The following VKORC1L1 variants were observed in gnomAD, a reference collection of about 807,000 sequenced individuals.
The protein encoded by VKORC1L1 is vitamin K epoxide reductase complex subunit 1-like protein 1.
A neutral mutation model predicts 18.9 loss-of-function variants in VKORC1L1; 2 were observed. That is an observed-to-expected ratio of 0.11 (90% CI 0.04 to 0.33). VKORC1L1 has a LOEUF of 0.33. VKORC1L1 is among the 10% of genes least tolerant of loss of function. The pLI is 1.00. For synonymous variants in VKORC1L1, 96 were observed against 100.0 expected (o/e 0.96, Z 0.24); for missense variants, 123 against 224.1 (o/e 0.55, Z 2.88).
chr7:65,952,777 CCTTT>C (rs1358236165), intron 2 of VKORC1L1, among the ~76,000 whole-genome samples: 4 of 94,042 alleles, frequency 4.3e-5, no homozygotes, highest in Non-Finnish European at 5.9e-5. Context: ...CTTTTTTTTT[CCTTT>C]TTTTTTTTTT....
chr7:65,937,262 C>T (rs1400960949), intron 1 of VKORC1L1, among the ~76,000 whole-genome samples: 1 of 152,184 alleles, frequency 6.6e-6, no homozygotes, highest in African/African-American at 2.4e-5. Context: ...TATCAACCAG[C>T]TATTTTTCCT....
intron 1 of VKORC1L1, among the ~76,000 whole-genome samples, chr7:65,877,363 T>C (rs1368671390): frequency 2.6e-5 from 4 of 152,020 alleles, no homozygotes; most frequent in African/African-American, 9.7e-5. Context: ...TTTTTTTTTT[T>C]TGATGGAGTC....
chr7:65,880,565 G>A (rs991752999), intron 1 of VKORC1L1, among the ~76,000 whole-genome samples: 1 of 152,136 alleles, frequency 6.6e-6, no homozygotes, highest in Admixed American at 6.6e-5. Flanking sequence ...TAGCTTTTTC[G>A]GAGGGAGGCC....
At chr7:65,890,291 C>T (rs537066823) in intron 1 of VKORC1L1, among the ~76,000 whole-genome samples, 21 of 152,080 alleles carry the variant, frequency 1.4e-4, no homozygotes, top group African/African-American at 3.9e-4. Context: ...CCACCACGCC[C>T]GGCTAATTTT....
In VKORC1L1 at chr7:65,958,474, G is replaced by A. The variant is rs868704409; in HGVS notation, c.*4174G>A. 5.9e-5 allele frequency: 9 copies of A among 152,328 alleles called. No homozygotes were observed. The South Asian group carries it at 1.9e-3, about 32-fold the overall frequency. 9.4% of individuals were successfully genotyped at this position (152,328 alleles called of 1,614,324 possible). On this transcript the variant is annotated 3_prime_UTR_variant, in exon 3 of 3. Transcript: ENST00000360768. Reference sequence around the variant, plus strand: ...TGCTAACTGGTAAATAAAACCAAATGTAAATATGTAAGAATGTTTATTTGT... The same window carrying A: ...TGCTAACTGGTAAATAAAACCAAATATAAATATGTAAGAATGTTTATTTGT...
At chr7:65,943,070 A>G (rs1341625136) in intron 1 of VKORC1L1, among the ~76,000 whole-genome samples, 1 of 152,166 alleles carries the variant, frequency 6.6e-6, no homozygotes, top group Non-Finnish European at 1.5e-5. Flanking sequence ...CTACGAAATC[A>G]TAGTCTAGTT....
chr7:65,889,247 A>G (rs189784485), intron 1 of VKORC1L1, among the ~76,000 whole-genome samples: 48 of 152,060 alleles, frequency 3.2e-4, no homozygotes, highest in Admixed American at 2.8e-3. Context: ...TTTTATCTCT[A>G]CCCCAACCTC....
At chr7:65,897,432 T>G (rs182448617) in intron 1 of VKORC1L1, among the ~76,000 whole-genome samples, 121 of 152,350 alleles carry the variant, frequency 7.9e-4, no homozygotes, top group Non-Finnish European at 1.6e-3. Flanking sequence ...CATTAAAGTT[T>G]AAGAATGCAC....
chr7:65,919,326 C>G (rs1462920569), intron 1 of VKORC1L1, among the ~76,000 whole-genome samples: 1 of 152,156 alleles, frequency 6.6e-6, no homozygotes, highest in Non-Finnish European at 1.5e-5. Context: ...GCTGACCACT[C>G]CAAAATTTTT....
Position 65,873,161 on chromosome 7 carries a change from G to A in VKORC1L1, c.-211G>A. On this transcript the variant is annotated 5_prime_UTR_variant, in exon 1 of 3. Coordinates refer to ENST00000360768, the MANE Select transcript of VKORC1L1 (RefSeq NM_173517.6). The stretch of plus-strand genomic sequence containing the variant: ...CGCGCGCGCCTTCCCCGCCCCGTCC[G>A]CCTCACTCCTTTTGGGGCGGTTGGG... 1.9e-6 allele frequency: 1 copy of A among 513,702 alleles called. No individual in the cohort carries two copies. Among genetic ancestry groups the A allele is most frequent in the South Asian group, 7.8e-5 (1 of 12,766 alleles). 31.8% of individuals were successfully genotyped at this position (513,702 alleles called of 1,614,324 possible). A position where few individuals can be genotyped will look rare whatever the true frequency, so the allele number is the denominator to read the frequency against.
chr7:65,906,887 A>G (rs1789415020), intron 1 of VKORC1L1, among the ~76,000 whole-genome samples: 1 of 152,136 alleles, frequency 6.6e-6, no homozygotes, highest in Admixed American at 6.6e-5. Context: ...AAAAATTATA[A>G]AGCAGTGCTT....
At chr7:65,906,267 G>T (rs1010260155) in intron 1 of VKORC1L1, among the ~76,000 whole-genome samples, 16 of 152,028 alleles carry the variant, frequency 1.1e-4, no homozygotes, top group Middle Eastern at 3.4e-3. Context: ...TCAACTACTC[G>T]GGAGGCTGAG....
chr7:65,887,664 A>G (rs185158091), intron 1 of VKORC1L1, among the ~76,000 whole-genome samples: 222 of 152,332 alleles, frequency 1.5e-3, no homozygotes, highest in Non-Finnish European at 2.2e-3. Flanking sequence ...CCCAAATACT[A>G]GCTATCATTC....
At chr7:65,944,235 G>A (rs1460617369) in intron 1 of VKORC1L1, among the ~76,000 whole-genome samples, 5 of 151,988 alleles carry the variant, frequency 3.3e-5, no homozygotes, top group African/African-American at 4.8e-5. Flanking sequence ...CTGCGTGGTG[G>A]TGGGAGCCTG....
intron 1 of VKORC1L1, among the ~76,000 whole-genome samples, chr7:65,924,359 G>A (rs960818399): frequency 4.6e-5 from 7 of 152,122 alleles, no homozygotes; most frequent in South Asian, 2.1e-4. Context: ...TAATCTGGAC[G>A]CTGACTTTTC....
At chr7:65,869,598 C>A (rs981936870), upstream of VKORC1L1, among the ~76,000 whole-genome samples, 19 of 147,020 alleles carry the variant, frequency 1.3e-4, no homozygotes, top group Non-Finnish European at 3.0e-5. Context: ...CTCAGGAAAG[C>A]AGAAGGACTT....
intron 1 of VKORC1L1, among the ~76,000 whole-genome samples, chr7:65,938,586 A>G (rs1762390255): frequency 6.6e-6 from 1 of 152,268 alleles, no homozygotes; most frequent in East Asian, 1.9e-4. Context: ...TTCTTAGAGC[A>G]GAAACAGGTC....
At chr7:65,886,910 T>C (rs374612542) in intron 1 of VKORC1L1, among the ~76,000 whole-genome samples, 2 of 142,864 alleles carry the variant, frequency 1.4e-5, no homozygotes, top group Non-Finnish European at 3.0e-5. Context: ...AGTGCAGTGG[T>C]GCAATCTTGG....
chr7:65,876,081 A>G (rs1788822984), intron 1 of VKORC1L1, among the ~76,000 whole-genome samples: 1 of 152,160 alleles, frequency 6.6e-6, no homozygotes, highest in South Asian at 2.1e-4. Flanking sequence ...TTATATTTCT[A>G]AAGAAATATT....
Sources: allele counts gnomAD v4.1 joint callset (sites outside exome capture counted in the v4.1 genomes callset), GRCh38; gene constraint gnomAD v4.1.1; transcripts MANE v1.5; gene names NCBI Gene and HGNC (gene_info 2026-07-23, HGNC 2026-07-21).